The following TSEN2 variants were observed in gnomAD, a reference collection of about 807,000 sequenced individuals.
TSEN2 encodes tRNA-splicing endonuclease subunit Sen2.
A neutral mutation model predicts 59.2 loss-of-function variants in TSEN2; 54 were observed. The observed-to-expected ratio is 0.91, with a 90% CI of 0.73 to 1.14. The LOEUF (loss-of-function observed/expected upper bound fraction) is 1.14. TSEN2 is among the 50% of genes most tolerant of loss of function. The probability of loss-of-function intolerance (pLI) is 0.00; values close to 1 mark genes in which losing one functional copy is unlikely to be tolerated. For synonymous variants in TSEN2, 195 were observed against 198.2 expected (o/e 0.98, Z 0.14); for missense variants, 636 against 576.2 (o/e 1.10, Z -1.06).
chr3:12,529,817 C>T lies in TSEN2; in HGVS notation c.1192C>T (p.Pro398Ser), dbSNP rs373454352. 3.7e-6 allele frequency: 6 copies of T among 1,614,048 alleles called. No individual in the cohort carries two copies. Among genetic ancestry groups the T allele is most frequent in the Non-Finnish European group, 5.1e-6 (6 of 1,180,022 alleles). ...DDHFEGSLRR[P>S]LSWKSLAALS... ...CCATTTTGAAGGCTCTCTCCGCAGG[C>T]CTCTCAGTTGGAAGTCCCTGGCTGC... is the stretch of plus-strand genomic sequence containing the variant. The change falls in exon 10 of 12, where the codon CCT (proline) becomes TCT (serine). Residue 398 changes from proline (P) to serine (S), a missense_variant. Physicochemically the swap from Pro to Ser is moderately conservative, Grantham distance 74. Transcript: ENST00000284995.
intron 1 of TSEN2, among the ~76,000 whole-genome samples, chr3:12,488,165 C>G (rs2052823783): frequency 1.3e-5 from 2 of 152,214 alleles, no homozygotes; most frequent in South Asian, 4.1e-4. Flanking sequence ...ACCTTCCCCT[C>G]CCTCAGTTTT....
chr3:12,535,074 A>G (rs2057643274), downstream of TSEN2, among the ~76,000 whole-genome samples: 1 of 152,150 alleles, frequency 6.6e-6, no homozygotes, highest in Non-Finnish European at 1.5e-5. Context: ...TATTGTTACA[A>G]CGTATTTGCT....
Position 12,489,789 on chromosome 3 carries a change from C to G in TSEN2, c.-12C>G. Reference sequence around the variant, plus strand: ...TTGTTGTCTACTCTTTAAAGAATACCTCCTCTGAAAAATGGCAGAAGCAGT... The same window carrying G: ...TTGTTGTCTACTCTTTAAAGAATACGTCCTCTGAAAAATGGCAGAAGCAGT... On this transcript the variant is annotated 5_prime_UTR_variant, in exon 2 of 12. Transcript: ENST00000284995. 6.2e-7 allele frequency: 1 copy of G among 1,611,634 alleles called. No individual in the cohort carries two copies. Among genetic ancestry groups the G allele is most frequent in the Non-Finnish European group, 8.5e-7 (1 of 1,179,756 alleles).
Position 12,530,125 on chromosome 3 carries a change from G to A in TSEN2, c.1248+252G>A. ...AGCTCCAATGACGGAGCTTTGGAGTGTCCCATGGTGATCTGATCTGGGTAG... is the reference window on the plus strand; with the variant it reads ...AGCTCCAATGACGGAGCTTTGGAGTATCCCATGGTGATCTGATCTGGGTAG... On this transcript the variant is annotated intron_variant, in intron 10 of 11. Coordinates refer to ENST00000284995, the MANE Select transcript of TSEN2 (RefSeq NM_025265.4). 6 of 1,383,158 alleles carry A rather than the reference G, an allele frequency of 4.3e-6. No individual in the cohort carries two copies. In the South Asian group the frequency reaches 6.8e-5, roughly 16 times the overall value. 85.7% of individuals were successfully genotyped at this position (1,383,158 alleles called of 1,614,324 possible). A position where few individuals can be genotyped will look rare whatever the true frequency, so the allele number is the denominator to read the frequency against.
At chr3:12,506,366 A>T (rs1042817868) in intron 6 of TSEN2, among the ~76,000 whole-genome samples, 2 of 151,180 alleles carry the variant, frequency 1.3e-5, no homozygotes. Flanking sequence ...AGGCCAAGGC[A>T]GGCAGATAGC....
chr3:12,486,905 G>T (rs76231340), intron 1 of TSEN2, among the ~76,000 whole-genome samples: 3,981 of 152,296 alleles, frequency 0.026, 176 homozygotes, highest in African/African-American at 0.089. Flanking sequence ...TGATTATATG[G>T]ATAGACCACA....
At chr3:12,529,921 G>GTTTTTTTTTTT in intron 10 of TSEN2, 48 bp downstream of exon 10, 1 of 1,507,494 alleles carries the variant, frequency 6.6e-7, no homozygotes, top group Non-Finnish European at 8.9e-7. Flanking sequence ...AAATGGTTCA[G>GTTTTTTTTTTT]TTTTTTTTTT....
At chr3:12,523,944 CGTAA>C (rs1187555794) in intron 8 of TSEN2, among the ~76,000 whole-genome samples, 10 of 152,158 alleles carry the variant, frequency 6.6e-5, no homozygotes, top group Admixed American at 2.0e-4. Context: ...CATATTAATC[CGTAA>C]GTATTTTTCA....
chr3:12,530,020 C>T (rs559434845), intron 10 of TSEN2, 147 bp downstream of exon 10: 22 of 1,467,682 alleles, frequency 1.5e-5, no homozygotes, highest in African/African-American at 5.7e-5. Flanking sequence ...TGGGGTCATT[C>T]GTACCCTTCC....
chr3:12,527,449 T>G (rs1263548671), intron 8 of TSEN2, among the ~76,000 whole-genome samples: 1 of 151,342 alleles, frequency 6.6e-6, no homozygotes, highest in Non-Finnish European at 1.5e-5. Flanking sequence ...TTTTCTTTTT[T>G]TTTTTTCTTT....
chr3:12,500,199 C>T (rs1391783441), intron 4 of TSEN2, among the ~76,000 whole-genome samples: 2 of 152,212 alleles, frequency 1.3e-5, no homozygotes, highest in Non-Finnish European at 2.9e-5. Context: ...GCTCCAGCAT[C>T]TGGGATTGAT....
intron 3 of TSEN2, among the ~76,000 whole-genome samples, chr3:12,494,345 G>C (rs1286466736): frequency 6.6e-6 from 1 of 152,182 alleles, no homozygotes; most frequent in African/African-American, 2.4e-5. Flanking sequence ...AGTACATGCT[G>C]TGCTGTGGTT....
At chr3:12,530,744 G>T (rs948556594) in intron 10 of TSEN2, 1 of 985,324 alleles carries the variant, frequency 1.0e-6, no homozygotes, top group Non-Finnish European at 1.2e-6. Context: ...CATTTTAGGG[G>T]ACTTGTAGCA....
chr3:12,484,399 G>C (rs896637836), upstream of TSEN2: 1 of 152,262 alleles, frequency 6.6e-6, no homozygotes, highest in African/African-American at 2.4e-5. Context: ...GCCAAGTCCC[G>C]ACGGGAGCTC....
intron 6 of TSEN2, among the ~76,000 whole-genome samples, chr3:12,511,826 G>C (rs56836742): frequency 1.7e-3 from 255 of 152,174 alleles, no homozygotes; most frequent in African/African-American, 5.7e-3. Flanking sequence ...CTTGGCCTCC[G>C]AAAGTGCTAG....
At chr3:12,537,809 G>T (rs1331440257), downstream of TSEN2, among the ~76,000 whole-genome samples, 2 of 152,156 alleles carry the variant, frequency 1.3e-5, no homozygotes. Flanking sequence ...ATGGTCTTGA[G>T]GATTGACAAG....
downstream of TSEN2, among the ~76,000 whole-genome samples, chr3:12,536,038 C>T (rs1245057066): frequency 6.6e-6 from 1 of 152,162 alleles, no homozygotes; most frequent in African/African-American, 2.4e-5. Context: ...GTGTACTTTT[C>T]CCCTTTCAGA....
chr3:12,503,912 T>C, intron 5 of TSEN2, 128 bp downstream of exon 5: 1 of 1,247,376 alleles, frequency 8.0e-7, no homozygotes, highest in Non-Finnish European at 1.1e-6. Context: ...CAGCAGGCTT[T>C]GGGCCACAGC....
chr3:12,532,904 A>G lies in TSEN2; in HGVS notation c.*183A>G. ...AAGGGAGGAGAAAGATCCCTGTGCT[A>G]GGACTGCAGATTCTATACTTGCGTT... is the stretch of plus-strand genomic sequence containing the variant. On this transcript the variant is annotated 3_prime_UTR_variant, in exon 12 of 12. Transcript: ENST00000284995. The G allele has an allele frequency of 1.5e-6, 1 of 652,572 alleles. No homozygotes were observed. The highest frequency in any genetic ancestry group is 2.6e-5 in the Admixed American group (1 of 39,006). 40.4% of individuals were successfully genotyped at this position (652,572 alleles called of 1,614,324 possible).
Sources: gnomAD v4.1 joint callset for allele counts (sites outside exome capture counted in the v4.1 genomes callset) on GRCh38, gnomAD v4.1.1 for gene constraint, MANE v1.5 for transcripts, NCBI Gene and HGNC (gene_info 2026-07-23, HGNC 2026-07-21) for gene names.